MAST4: variants seen among roughly 807,000 people sequenced by gnomAD.
The protein encoded by MAST4 is microtubule-associated serine/threonine-protein kinase 4.
In MAST4, 89 loss-of-function variants were observed where a neutral mutation model predicts 162.7. That is an observed-to-expected ratio of 0.55 (90% CI 0.46 to 0.65). The LOEUF is 0.65. MAST4 is among the 30% of genes least tolerant of loss of function. MAST4 has a pLI of 0.00. For synonymous variants in MAST4, 1,479 were observed against 1,361.1 expected (o/e 1.09, Z -1.91); for missense variants, 3,153 against 3,374.0 (o/e 0.93, Z 1.62).
intron 4 of MAST4, among the ~76,000 whole-genome samples, chr5:66,942,915 G>A (rs1310056090): frequency 6.6e-6 from 1 of 152,074 alleles, no homozygotes; most frequent in Non-Finnish European, 1.5e-5. Flanking sequence ...TCAAGGTGCT[G>A]GAAGATTCTG....
At chr5:67,144,858 T>G in intron 22 of MAST4, 62 bp downstream of exon 22, 1 of 1,529,916 alleles carries the variant, frequency 6.5e-7, no homozygotes. Context: ...TTCTTAAACT[T>G]TAGTGAGCAT....
At position 67,165,803 on chromosome 5, in the gene MAST4, C is replaced by T. The variant is rs577801392; in HGVS notation, c.6624C>T (p.Pro2208=). Residue 2208 remains proline, a synonymous_variant, in exon 29 of 29, where the codon CCC becomes CCT. Coordinates refer to ENST00000403625, the MANE Select transcript of MAST4 (RefSeq NM_001164664.2). ...CGGGCCCTCCAAAGACTAAGCACCC[C>T]GACCGGTCCCTCTCCTCTCAGAAAC... ...PDPGPPKTKH[P]DRSLSSQKPS... is the part of the protein sequence containing the mutation. 66 of 1,610,982 alleles carry T rather than the reference C, an allele frequency of 4.1e-5. No homozygotes were observed. The highest frequency in any genetic ancestry group is 5.4e-5 in the Non-Finnish European group (64 of 1,178,960).
chr5:66,974,458 T>G (rs1747867426), intron 4 of MAST4, among the ~76,000 whole-genome samples: 1 of 152,220 alleles, frequency 6.6e-6, no homozygotes, highest in Admixed American at 6.5e-5. Flanking sequence ...TTTACAGATG[T>G]TTGTCTGGAG....
intron 4 of MAST4, chr5:66,964,016 C>T (rs756580808): frequency 1.5e-6 from 1 of 677,088 alleles, no homozygotes; most frequent in Admixed American, 2.0e-5. Flanking sequence ...GTATATGTGA[C>T]AGTTTTTCAT....
At chr5:66,830,409 A>G (rs1303689718) in intron 3 of MAST4, among the ~76,000 whole-genome samples, 5 of 152,222 alleles carry the variant, frequency 3.3e-5, no homozygotes, top group Non-Finnish European at 7.3e-5. Flanking sequence ...ATTAATTAAA[A>G]TAATGGAGCT....
chr5:66,902,871 C>G, intron 4 of MAST4: 1 of 335,948 alleles, frequency 3.0e-6, no homozygotes, highest in Admixed American at 4.4e-5. Flanking sequence ...CCTGTACTTT[C>G]CCCCTCATTC....
At chr5:66,642,016 T>A (rs1359087648) in intron 1 of MAST4, among the ~76,000 whole-genome samples, 1 of 152,194 alleles carries the variant, frequency 6.6e-6, no homozygotes, top group Non-Finnish European at 1.5e-5. Flanking sequence ...TTTAGAATAT[T>A]ACCGTTTTGC....
intron 19 of MAST4, among the ~76,000 whole-genome samples, chr5:67,139,199 G>T (rs1459952757): frequency 3.3e-5 from 5 of 152,230 alleles, no homozygotes; most frequent in Admixed American, 1.3e-4. Context: ...GAATCCCGCA[G>T]GCCTGCCGTG....
chr5:66,725,400 T>TC (rs76258874), intron 1 of MAST4, among the ~76,000 whole-genome samples: 68,853 of 151,924 alleles, frequency 0.45, 17,694 homozygotes, highest in East Asian at 0.71. Flanking sequence ...AAAGCCTCCT[T>TC]CCCCAAAGAA....
At chr5:67,027,776 T>C (rs1243186952) in intron 4 of MAST4, among the ~76,000 whole-genome samples, 1 of 152,226 alleles carries the variant, frequency 6.6e-6, no homozygotes, top group East Asian at 1.9e-4. Context: ...TCCTGGAAGC[T>C]ACTCTTTAGG....
intron 4 of MAST4, among the ~76,000 whole-genome samples, chr5:66,903,097 A>G (rs1437434052): frequency 6.6e-6 from 1 of 152,220 alleles, no homozygotes; most frequent in African/African-American, 2.4e-5. Context: ...AAAACTTAAA[A>G]AATGCAAAAC....
chr5:67,099,110 T>C (rs140943558), intron 7 of MAST4, among the ~76,000 whole-genome samples: 158 of 152,256 alleles, frequency 1.0e-3, no homozygotes, highest in African/African-American at 3.7e-3. Flanking sequence ...TGTTTGTCTA[T>C]TTGCTAATTT....
intron 1 of MAST4, among the ~76,000 whole-genome samples, chr5:66,656,016 TA>T (rs1407366124): frequency 1.3e-5 from 2 of 152,180 alleles, no homozygotes; most frequent in Non-Finnish European, 2.9e-5. Context: ...TAGTAGTGTA[TA>T]AAAGCTGGGA....
intron 4 of MAST4, among the ~76,000 whole-genome samples, chr5:67,049,038 T>C (rs1381166312): frequency 2.9e-4 from 26 of 90,030 alleles, no homozygotes; most frequent in South Asian, 2.0e-3. Context: ...TATATATATA[T>C]ATACGTGTAT....
chr5:66,959,286 G>T, intron 4 of MAST4: 1 of 779,740 alleles, frequency 1.3e-6, no homozygotes, highest in Non-Finnish European at 2.4e-6. Flanking sequence ...TTCCGGGGCT[G>T]ACCTTGGAGT....
chr5:67,141,393 T>G (rs1254883787), intron 19 of MAST4, among the ~76,000 whole-genome samples: 1 of 152,218 alleles, frequency 6.6e-6, no homozygotes. Flanking sequence ...TTTTTCTCTT[T>G]ATATGGGGTA....
intron 3 of MAST4, among the ~76,000 whole-genome samples, chr5:66,844,896 A>G (rs42310): frequency 1.3e-5 from 2 of 151,726 alleles, no homozygotes; most frequent in East Asian, 3.9e-4. Flanking sequence ...GATCCAATAG[A>G]TAAGAAGGAT....
At chr5:66,779,128 G>C (rs1248678908) in intron 2 of MAST4, among the ~76,000 whole-genome samples, 1 of 152,230 alleles carries the variant, frequency 6.6e-6, no homozygotes, top group Non-Finnish European at 1.5e-5. Context: ...TCTAAAAAGT[G>C]AAATTGGGCA....
At position 66,596,622 on chromosome 5, in the gene MAST4, G is replaced by C; in HGVS notation, c.-34G>C. ...GGCGCTGAGTGCGCGCCGCGCCCCC[G>C]CCGCTCGGGAGGCACTTTGGGCCAG... is the stretch of plus-strand genomic sequence containing the variant. On this transcript the variant is annotated 5_prime_UTR_variant, in exon 1 of 29. Coordinates refer to ENST00000403625, the MANE Select transcript of MAST4 (RefSeq NM_001164664.2). The C allele has an allele frequency of 7.2e-7, 1 of 1,398,200 alleles. No individual in the cohort carries two copies. The highest frequency in any genetic ancestry group is 9.3e-7 in the Non-Finnish European group (1 of 1,078,678). The allele number at this position is 1,398,200 out of a possible 1,614,324, so 86.6% of individuals were successfully genotyped here. A position where few individuals can be genotyped will look rare whatever the true frequency, so the allele number is the denominator to read the frequency against.
Sources: gnomAD v4.1 joint callset for allele counts (sites outside exome capture counted in the v4.1 genomes callset) on GRCh38, gnomAD v4.1.1 for gene constraint, MANE v1.5 for transcripts, NCBI Gene and HGNC (gene_info 2026-07-23, HGNC 2026-07-21) for gene names.